ATP13A2: variants seen among roughly 807,000 people sequenced by gnomAD.
ATP13A2 encodes the protein ATPase cation transporting 13A2, also known as polyamine-transporting ATPase 13A2.
A neutral mutation model predicts 138.3 loss-of-function variants in ATP13A2; 83 were observed. That is an observed-to-expected ratio of 0.60 (90% confidence interval 0.50 to 0.72). The LOEUF is 0.72. Ranked by LOEUF, ATP13A2 falls within the 30% of genes least tolerant of loss-of-function variation. The pLI is 0.00. For synonymous variants in ATP13A2, 663 were observed against 699.0 expected (o/e 0.95, Z 0.81); for missense variants, 1,402 against 1,606.4 (o/e 0.87, Z 2.17).
chr1:17,000,348 G>C, intron 9 of ATP13A2, 36 bp from the exon 10 acceptor site: 2 of 1,586,780 alleles, frequency 1.3e-6, no homozygotes, highest in Middle Eastern at 1.7e-4. Flanking sequence ...TGAGTGGGTG[G>C]GGGCCCCTGG....
At chr1:17,002,174 T>TCCC in intron 7 of ATP13A2, 71 bp from the exon 8 acceptor site, 1 of 1,579,838 alleles carries the variant, frequency 6.3e-7, no homozygotes, top group South Asian at 1.1e-5. Flanking sequence ...GTGAAGGAGC[T>TCCC]CCCCACTTTC....
At chr1:17,005,200 C>G (rs756446875) in intron 3 of ATP13A2, 128 bp from the exon 4 acceptor site, 300 of 1,469,556 alleles carry the variant, frequency 2.0e-4, no homozygotes, top group Non-Finnish European at 2.7e-4. Context: ...CAGAAACCAC[C>G]CGACCCGTCC....
chr1:16,991,965 C>G, intron 19 of ATP13A2, 44 bp downstream of exon 19: 1 of 1,609,130 alleles, frequency 6.2e-7, no homozygotes, highest in Non-Finnish European at 8.5e-7. Context: ...GAGAGCCTCC[C>G]TCTGCCTAGT....
chr1:16,997,065 G>C lies in ATP13A2; in HGVS notation c.1150C>G (p.Arg384Gly). Residue 384 changes from arginine to glycine, a missense_variant, in exon 12 of 29, where the codon CGG becomes GGG. Arg to Gly is a moderately radical substitution (Grantham distance 125). Coordinates refer to ENST00000326735, the MANE Select transcript of ATP13A2 (RefSeq NM_022089.4). The stretch of plus-strand genomic sequence containing the variant: ...AGGACGTGCGGTCCCACATAGGCCC[G>C]GGCCTGCAAGATGAGGGTCCCGCAG... ...LFCGTLILQA[R>G]AYVGPHVLAV... 1.2e-6 allele frequency: 2 copies of C among 1,613,336 alleles called. No individual in the cohort carries two copies. Among genetic ancestry groups the C allele is most frequent in the Non-Finnish European group, 1.7e-6 (2 of 1,179,990 alleles).
At chr1:17,009,463 C>G (rs1386529562) in intron 1 of ATP13A2, among the ~76,000 whole-genome samples, 1 of 147,294 alleles carries the variant, frequency 6.8e-6, no homozygotes, top group Non-Finnish European at 1.5e-5. Context: ...GTGGCATGAT[C>G]CTAGCTCACT....
Position 16,986,236 on chromosome 1 carries a change from G to T in ATP13A2, c.3528C>A (p.Ala1176=). Residue 1176 remains alanine, a synonymous_variant, in exon 29 of 29, where the codon GCC becomes GCA. Transcript: ENST00000326735. The surrounding 1 kb of genome is among the most constrained non-coding windows in gnomAD (Gnocchi z 6.9). The part of the protein sequence containing the change: ...LAEQPWPPLP[A]GPLR The stretch of plus-strand genomic sequence containing the variant: ...TGGGCCTGCACTACCTCAGGGGGCC[G>T]GCGGGCAGCGGCGGCCAGGGCTGCT... 4 of 1,610,644 alleles carry T rather than the reference G, an allele frequency of 2.5e-6. No individual in the cohort carries two copies. Among genetic ancestry groups the T allele is most frequent in the Non-Finnish European group, 3.4e-6 (4 of 1,178,940 alleles).
chr1:16,989,654 C>T (rs563317561), intron 23 of ATP13A2, 37 bp downstream of exon 23: 37 of 1,606,594 alleles, frequency 2.3e-5, no homozygotes, highest in African/African-American at 8.0e-5. Context: ...GCTCAGTCTC[C>T]GCAGGCCCTT....
Position 16,993,633 on chromosome 1 carries a change from C to G in ATP13A2, c.1745G>C (p.Gly582Ala). The change falls in exon 16 of 29, where the codon GGC becomes GCC. Residue 582 changes from glycine (G) to alanine (A), a missense_variant. Coordinates refer to ENST00000326735, the MANE Select transcript of ATP13A2 (RefSeq NM_022089.4). ...TGACCTGCTTGGCCTCCTCACCCAG[C>G]CAGTAGACTCCACCATCTTCAAGTC... The part of the protein sequence containing the change: ...PMDLKMVEST[G>A]WVLEEEPAAD... 6.3e-7 allele frequency: 1 copy of G among 1,583,458 alleles called. No individual in the cohort carries two copies. The highest frequency in any genetic ancestry group is 8.6e-7 in the Non-Finnish European group (1 of 1,165,096).
chr1:17,003,930 G>A (rs1162329147), intron 6 of ATP13A2, among the ~76,000 whole-genome samples: 1 of 151,996 alleles, frequency 6.6e-6, no homozygotes, highest in African/African-American at 2.4e-5. Flanking sequence ...CCAAAGTGCT[G>A]GGATTACAGG....
At position 17,002,161 on chromosome 1, in the gene ATP13A2, G is replaced by T; in HGVS notation, c.636-58C>A. 2.5e-6 allele frequency: 4 copies of T among 1,590,310 alleles called. No homozygotes were observed. In the South Asian group the frequency reaches 4.5e-5, roughly 18 times the overall value. On this transcript the variant is annotated intron_variant, in intron 7 of 28. Coordinates refer to ENST00000326735, the MANE Select transcript of ATP13A2 (RefSeq NM_022089.4). ...GGAGGAGCTGTGGCTGGACCCTCCCGGGGTGAAGGAGCTCCCCACTTTCAG... is the reference window on the plus strand; with the variant it reads ...GGAGGAGCTGTGGCTGGACCCTCCCTGGGTGAAGGAGCTCCCCACTTTCAG...
In ATP13A2 at chr1:16,986,586, G is replaced by A; in HGVS notation, c.3282C>T (p.Gly1094=). The A allele has an allele frequency of 1.2e-6, 2 of 1,611,660 alleles. No individual in the cohort carries two copies. The highest frequency in any genetic ancestry group is 1.7e-6 in the Non-Finnish European group (2 of 1,179,744). The change falls in exon 28 of 29, where the codon GGC becomes GGT. Residue 1094 remains glycine (G), a synonymous_variant. Transcript: ENST00000326735. The surrounding 1 kb of genome is among the most constrained non-coding windows in gnomAD (Gnocchi z 6.9). ...GCAGGAGGCCGGGGACCAGGACAAGGCCCACCAGGACGGAGCTCAGGAGCG... is the reference window on the plus strand; with the variant it reads ...GCAGGAGGCCGGGGACCAGGACAAGACCCACCAGGACGGAGCTCAGGAGCG... ...ALALLSSVLV[G]LVLVPGLLQG...
intron 12 of ATP13A2, 145 bp downstream of exon 12, chr1:16,996,875 G>GA: frequency 9.6e-7 from 1 of 1,045,782 alleles, no homozygotes; most frequent in East Asian, 2.6e-5. Flanking sequence ...CCCAGATGGG[G>GA]GGCAACTGGC....
rs567349516 is a variant in ATP13A2 at position 16,988,885 on chromosome 1, C to T, written c.2610-411G>A. Among the ~76,000 whole-genome samples, 29 of 151,920 alleles carry T rather than the reference C, an allele frequency of 1.9e-4. No homozygotes were observed. The South Asian group carries it at 3.5e-3, about 19-fold the overall frequency. On this transcript the variant is annotated intron_variant, in intron 23 of 28. Coordinates refer to ENST00000326735, the MANE Select transcript of ATP13A2 (RefSeq NM_022089.4). ...CTGATCTCAGGTGATCCACCCGCCT[C>T]GGCCTCCCAAAGTGCTGGGATTACA...
At chr1:16,996,812 C>T (rs945092324) in intron 12 of ATP13A2, 13 of 704,568 alleles carry the variant, frequency 1.8e-5, no homozygotes, top group African/African-American at 1.2e-4. Flanking sequence ...CCAGATCTTG[C>T]AATGCTTGGC....
Position 16,990,189 on chromosome 1 carries a change from C to T in ATP13A2, c.2350G>A (p.Gly784Ser), listed in dbSNP as rs1487203657. The T allele has an allele frequency of 1.2e-6, 2 of 1,613,844 alleles. No homozygotes were observed. Among genetic ancestry groups the T allele is most frequent in the Non-Finnish European group, 1.7e-6 (2 of 1,180,036 alleles). ...IIVHATHPERGQPASLEFLPM... is the reference protein window; with the variant it reads ...IIVHATHPERSQPASLEFLPM... Reference sequence around the variant, plus strand: ...AGGAACTCGAGAGAGGCAGGCTGACCCCGCTCAGGGTGGGTGGCGTGGACG... The same window carrying T: ...AGGAACTCGAGAGAGGCAGGCTGACTCCGCTCAGGGTGGGTGGCGTGGACG... Residue 784 changes from glycine to serine, a missense_variant, in exon 21 of 29, where the codon GGT becomes AGT. By Grantham distance (56) the Gly-to-Ser change is moderately conservative (BLOSUM62 0). Transcript: ENST00000326735.
At chr1:16,999,316 G>A (rs1005497551) in intron 11 of ATP13A2, among the ~76,000 whole-genome samples, 6 of 142,974 alleles carry the variant, frequency 4.2e-5, no homozygotes, top group African/African-American at 1.6e-4. Context: ...GGAGGTGGAG[G>A]TTGCAGTGAG....
Position 17,004,557 on chromosome 1 carries a change from C to CGTGCTCA in ATP13A2, c.477+128_477+134dup. 1.3e-6 allele frequency: 2 copies of CGTGCTCA among 1,572,008 alleles called. No homozygotes were observed. The highest frequency in any genetic ancestry group is 1.4e-5 in the African/African-American group (1 of 74,018). ...GTGGGGAGAGGCCTGAAAGTGTAAACGTGCTCAGACAGCATCCTGGATGTT... is the reference window on the plus strand; with the variant it reads ...GTGGGGAGAGGCCTGAAAGTGTAAACGTGCTCAGTGCTCAGACAGCATCCTGGATGTT... On this transcript the variant is annotated intron_variant, in intron 5 of 28. Coordinates refer to ENST00000326735, the MANE Select transcript of ATP13A2 (RefSeq NM_022089.4). This position sits in a 1 kb window ranked among gnomAD's most constrained non-coding sequence, Gnocchi z 4.1.
rs776478061 is a variant in ATP13A2, at chr1:17,000,084, C to T, written c.966G>A (p.Gln322=). The change falls in exon 11 of 29, where the codon CAG becomes CAA. Residue 322 remains glutamine, a synonymous_variant. Transcript: ENST00000326735. The part of the protein sequence containing the change: ...LVPGDCLVLP[Q]EGGLMPCDAA... ...CATCACAGGGCATCAGCCCACCCTCCTGGGGCAGCACCAGGCAGTCTCCGG... is the reference window on the plus strand; with the variant it reads ...CATCACAGGGCATCAGCCCACCCTCTTGGGGCAGCACCAGGCAGTCTCCGG... The T allele has an allele frequency of 1.2e-6, 2 of 1,613,536 alleles. No individual in the cohort carries two copies. The highest frequency in any genetic ancestry group is 1.3e-5 in the African/African-American group (1 of 75,042).
At chr1:17,007,320 G>A (rs374922986) in intron 1 of ATP13A2, among the ~76,000 whole-genome samples, 5 of 152,234 alleles carry the variant, frequency 3.3e-5, no homozygotes, top group Non-Finnish European at 5.9e-5. Flanking sequence ...GTTCATCTAC[G>A]GTCCCAGACC....
Sources: gnomAD v4.1 joint callset for allele counts (sites outside exome capture counted in the v4.1 genomes callset) on GRCh38, gnomAD v4.1.1 for gene constraint, Gnocchi (gnomAD v3.1) non-coding constraint, MANE v1.5 for transcripts, NCBI Gene and HGNC (gene_info 2026-07-23, HGNC 2026-07-21) for gene names.